Variants in MORN1 observed in about 807,000 individuals in gnomAD.
MORN1 encodes the protein MORN repeat containing 1.
Under a neutral mutation model 61.9 loss-of-function variants are expected in MORN1, and 67 were observed. The observed-to-expected ratio is 1.08, with a 90% CI of 0.89 to 1.33. The LOEUF is 1.33. Ranked by LOEUF, MORN1 falls within the 40% of genes most tolerant of loss-of-function variation. The pLI is 0.00. For missense variants in MORN1, 752 were observed against 691.2 expected, an observed-to-expected ratio of 1.09 and a Z score of -0.99; for synonymous variants, 301 against 292.0, an observed-to-expected ratio of 1.03 and a Z score of -0.31.
rs1303665674 is a variant in MORN1, at chr1:2,334,535, G to A, written c.1250+1934C>T. Among the ~76,000 whole-genome samples the A allele has an allele frequency of 1.3e-5, 2 of 152,116 alleles. No individual in the cohort carries two copies. The highest frequency in any genetic ancestry group is 4.8e-5 in the African/African-American group (2 of 41,436). On this transcript the variant is annotated intron_variant, in intron 12 of 13. Coordinates refer to ENST00000378531, the MANE Select transcript of MORN1 (RefSeq NM_024848.3). This position sits in a 1 kb window ranked among gnomAD's most constrained non-coding sequence, Gnocchi z 5.4. ...ATGGAGAGGCGGGGCTCCCTTGGGG[G>A]AGCAGGCCTGGTTTTGGGCTGCCTG...
intron 8 of MORN1, among the ~76,000 whole-genome samples, chr1:2,367,711 C>G (rs1315302353): frequency 1.3e-5 from 2 of 151,998 alleles, no homozygotes; most frequent in Non-Finnish European, 2.9e-5. Context: ...ACTGCAACCT[C>G]TGCCTCCTGG....
rs552607152 is a variant in MORN1 at position 2,383,157 on chromosome 1, C to T, written c.537+1821G>A. On this transcript the variant is annotated intron_variant, in intron 6 of 13. Coordinates refer to ENST00000378531, the MANE Select transcript of MORN1 (RefSeq NM_024848.3). The stretch of plus-strand genomic sequence containing the variant: ...CCCTTCCTTGCCCACTTTTGCCTGA[C>T]GGGAACTGGACCCTGTCAACGTTTC... Among the ~76,000 whole-genome samples the T allele has an allele frequency of 5.3e-5, 8 of 152,314 alleles. No individual in the cohort carries two copies. The South Asian group carries it at 6.2e-4, about 12-fold the overall frequency.
At chr1:2,323,480 C>A (rs1451816013) in intron 13 of MORN1, 2 of 985,398 alleles carry the variant, frequency 2.0e-6, no homozygotes, top group South Asian at 4.7e-5. Flanking sequence ...GTGCCCAGGT[C>A]CTGCTAGGGG....
intron 10 of MORN1, among the ~76,000 whole-genome samples, chr1:2,342,965 C>T (rs1641435015): frequency 6.7e-6 from 1 of 150,146 alleles, no homozygotes; most frequent in African/African-American, 2.5e-5. Flanking sequence ...CCTTGAACTC[C>T]TGAGTTCAAG....
chr1:2,329,788 A>G (rs746965747), intron 12 of MORN1, among the ~76,000 whole-genome samples: 7 of 152,212 alleles, frequency 4.6e-5, no homozygotes, highest in Non-Finnish European at 1.0e-4. Flanking sequence ...GTGTTCCCCA[A>G]GGCCCCACTG....
At chr1:2,378,615 C>A in intron 6 of MORN1, 1 of 276,270 alleles carries the variant, frequency 3.6e-6, no homozygotes, top group Non-Finnish European at 7.1e-6. Context: ...AGCCAACACT[C>A]ACGGCGCAGC....
intron 10 of MORN1, among the ~76,000 whole-genome samples, chr1:2,344,660 G>A (rs1641470386): frequency 6.6e-6 from 1 of 152,218 alleles, no homozygotes; most frequent in Non-Finnish European, 1.5e-5. Context: ...CCTTCCCTGG[G>A]GGCCTCGTCC....
intron 13 of MORN1, 132 bp downstream of exon 13, chr1:2,323,965 C>G (rs1457537812): frequency 6.9e-7 from 1 of 1,454,146 alleles, no homozygotes; most frequent in Non-Finnish European, 9.1e-7. Flanking sequence ...CTCCCCAGTC[C>G]CCCACCCACT....
intron 6 of MORN1, among the ~76,000 whole-genome samples, chr1:2,381,742 G>A (rs1427412332): frequency 6.6e-6 from 1 of 152,190 alleles, no homozygotes; most frequent in Non-Finnish European, 1.5e-5. Context: ...GGCCTGGGGG[G>A]CCGCTTGGGG....
chr1:2,350,422 C>T (rs1411894635), intron 10 of MORN1: 1 of 152,208 alleles, frequency 6.6e-6, no homozygotes, highest in Admixed American at 6.5e-5. Context: ...GATTTGCCCT[C>T]TTTGTCGATT....
chr1:2,365,839 G>C (rs1435136341), intron 8 of MORN1, among the ~76,000 whole-genome samples: 1 of 151,012 alleles, frequency 6.6e-6, no homozygotes, highest in African/African-American at 2.4e-5. Context: ...AGGTGCTGGA[G>C]AGGATGTGGA....
In MORN1 at chr1:2,336,461, C is replaced by T. The variant is rs201528534; in HGVS notation, c.1250+8G>A. On this transcript the variant is annotated splice_region_variant and intron_variant, in intron 12 of 13. Coordinates refer to ENST00000378531, the MANE Select transcript of MORN1 (RefSeq NM_024848.3). ...CGAACACCTGCAGGTGGGGTGGGCT[C>T]ATCCTACCTGCTGCCTCCAGGAGGC... The T allele has an allele frequency of 1.5e-4, 238 of 1,610,426 alleles. 1 individual carries two copies. The East Asian group carries it at 3.0e-3, about 20-fold the overall frequency.
At chr1:2,348,701 G>A (rs1381725759) in intron 10 of MORN1, among the ~76,000 whole-genome samples, 2 of 125,280 alleles carry the variant, frequency 1.6e-5, no homozygotes, top group African/African-American at 6.9e-5. Context: ...ACACACGCAC[G>A]CACACGCACA....
intron 12 of MORN1, chr1:2,332,775 A>G (rs1266465149): frequency 8.8e-6 from 4 of 455,904 alleles, no homozygotes; most frequent in Non-Finnish European, 1.8e-5. Flanking sequence ...GAAAACCTCC[A>G]TGAGTGAGTG....
Position 2,357,006 on chromosome 1 carries a change from T to C in MORN1, c.1036+426A>G, listed in dbSNP as rs1230129130. Among the ~76,000 whole-genome samples, 1 of 152,156 alleles carries C rather than the reference T, an allele frequency of 6.6e-6. No homozygotes were observed. Among genetic ancestry groups the C allele is most frequent in the African/African-American group, 2.4e-5 (1 of 41,440 alleles). On this transcript the variant is annotated intron_variant, in intron 10 of 13. Coordinates refer to ENST00000378531, the MANE Select transcript of MORN1 (RefSeq NM_024848.3). The surrounding 1 kb of genome is among the most constrained non-coding windows in gnomAD (Gnocchi z 6.3). Reference sequence around the variant, plus strand: ...GCAGAAGCGGAGCAGCGGGAAACCCTGACCTCGAGAGAGCAGTCGGCGCCG... The same window carrying C: ...GCAGAAGCGGAGCAGCGGGAAACCCCGACCTCGAGAGAGCAGTCGGCGCCG...
rs759630060 is a variant in MORN1 at position 2,387,416 on chromosome 1, G to A, written c.358+3C>T. On this transcript the variant is annotated splice_donor_region_variant and intron_variant, in intron 4 of 13. Coordinates refer to ENST00000378531, the MANE Select transcript of MORN1 (RefSeq NM_024848.3). ...CAGCACCCGGCTCCTGTGGGCGCCAGACCTTCCCGCATGCCGTGGGAGACC... is the reference window on the plus strand; with the variant it reads ...CAGCACCCGGCTCCTGTGGGCGCCAAACCTTCCCGCATGCCGTGGGAGACC... The A allele has an allele frequency of 6.2e-7, 1 of 1,610,914 alleles. No individual in the cohort carries two copies. Among genetic ancestry groups the A allele is most frequent in the East Asian group, 2.2e-5 (1 of 44,866 alleles).
chr1:2,389,848 C>G, intron 2 of MORN1, 77 bp downstream of exon 2: 1 of 1,383,582 alleles, frequency 7.2e-7, no homozygotes, highest in Non-Finnish European at 1.0e-6. Flanking sequence ...CACTTGCCCA[C>G]CCAACCTCCC....
chr1:2,321,310 GAGCAGAGTCACGCA>G lies in MORN1; in HGVS notation c.*59_*72del. 8.8e-7 allele frequency: 1 copy of G among 1,136,826 alleles called. No homozygotes were observed. Among genetic ancestry groups the G allele is most frequent in the Non-Finnish European group, 1.2e-6 (1 of 829,340 alleles). The allele number at this position is 1,136,826 out of a possible 1,614,324, so 70.4% of individuals were successfully genotyped here. On this transcript the variant is annotated 3_prime_UTR_variant, in exon 14 of 14. Transcript: ENST00000378531. ...AACCACGGGGCTCTGGAGAATCGGG[GAGCAGAGTCACGCA>G]AGCAGAGGCAGCGTTTCCTTCCATT...
chr1:2,346,354 C>T (rs1171573030), intron 10 of MORN1, among the ~76,000 whole-genome samples: 2 of 152,158 alleles, frequency 1.3e-5, no homozygotes, highest in Non-Finnish European at 2.9e-5. Context: ...AGGGACCTCA[C>T]CTGGCCTCGA....
Sources: gnomAD v4.1 joint callset for allele counts (sites outside exome capture counted in the v4.1 genomes callset) on GRCh38, gnomAD v4.1.1 for gene constraint, Gnocchi (gnomAD v3.1) non-coding constraint, MANE v1.5 for transcripts, NCBI Gene and HGNC (gene_info 2026-07-23, HGNC 2026-07-21) for gene names.